The following TBC1D1 variants were observed in gnomAD, a reference collection of about 807,000 sequenced individuals.
The protein encoded by TBC1D1 is TBC1 domain family member 1.
Under a neutral mutation model 125.6 loss-of-function variants are expected in TBC1D1, and 89 were observed. The observed-to-expected ratio is 0.71, with a 90% CI of 0.60 to 0.85. The LOEUF (loss-of-function observed/expected upper bound fraction) is 0.85, where lower values mean the gene tolerates loss of function less well. TBC1D1 is among the 40% of genes least tolerant of loss of function. The probability of loss-of-function intolerance (pLI) is 0.00; values close to 1 mark genes in which losing one functional copy is unlikely to be tolerated. For missense variants in TBC1D1, 1,377 were observed against 1,469.2 expected, an observed-to-expected ratio of 0.94 and a Z score of 1.03; for synonymous variants, 565 against 564.1, an observed-to-expected ratio of 1.00 and a Z score of -0.02.
At chr4:37,957,735 C>T (rs1729206435) in intron 2 of TBC1D1, among the ~76,000 whole-genome samples, 1 of 152,176 alleles carries the variant, frequency 6.6e-6, no homozygotes, top group African/African-American at 2.4e-5. Context: ...AAGTTCAGAA[C>T]AGATTGTTTG....
At position 38,061,864 on chromosome 4, in the gene TBC1D1, T is replaced by A. The variant is rs74705835; in HGVS notation, c.2050+7526T>A. 8.9e-3 allele frequency among the ~76,000 whole-genome samples: 1,353 copies of A among 152,330 alleles called. 19 individuals are homozygous for A. Among genetic ancestry groups the A allele is most frequent in the African/African-American group, 0.031 (1,287 of 41,558 alleles). On this transcript the variant is annotated intron_variant, in intron 12 of 19. Transcript: ENST00000261439. ...TGATTTGAAACATGATTTACATGTT[T>A]TACATGAAACATGATTTACATGTGT...
chr4:38,106,181 A>G (rs1761266342), intron 15 of TBC1D1, among the ~76,000 whole-genome samples: 2 of 152,174 alleles, frequency 1.3e-5, no homozygotes, highest in Non-Finnish European at 2.9e-5. Context: ...TATCTTTAAG[A>G]TTCAGAGTGT....
intron 18 of TBC1D1, chr4:38,132,567 G>A (rs1765761307): frequency 6.1e-6 from 1 of 163,330 alleles, no homozygotes; most frequent in Non-Finnish European, 1.5e-5. Context: ...GCATATTTGT[G>A]TGCAAAGGAG....
At chr4:37,896,332 A>C (rs1466959973) in intron 1 of TBC1D1, among the ~76,000 whole-genome samples, 1 of 152,118 alleles carries the variant, frequency 6.6e-6, no homozygotes, top group South Asian at 2.1e-4. Context: ...GAAGGAGTGG[A>C]GGGGGCTGGG....
intron 6 of TBC1D1, among the ~76,000 whole-genome samples, chr4:38,023,417 A>T (rs1029375332): frequency 6.6e-6 from 1 of 152,212 alleles, no homozygotes; most frequent in Non-Finnish European, 1.5e-5. Flanking sequence ...GTCCATTCAC[A>T]TTGTTGTACA....
intron 2 of TBC1D1, among the ~76,000 whole-genome samples, chr4:37,915,951 T>C (rs564205877): frequency 6.6e-6 from 1 of 152,222 alleles, no homozygotes; most frequent in South Asian, 2.1e-4. Context: ...CATTTATTGG[T>C]GACAGTTGTG....
At chr4:38,079,936 C>A (rs1756263606) in intron 12 of TBC1D1, among the ~76,000 whole-genome samples, 1 of 152,200 alleles carries the variant, frequency 6.6e-6, no homozygotes, top group African/African-American at 2.4e-5. Flanking sequence ...ACGCCAAAGG[C>A]CAGAGATTCA....
intron 2 of TBC1D1, among the ~76,000 whole-genome samples, chr4:37,920,686 G>T (rs2925957): frequency 6.6e-6 from 1 of 151,812 alleles, no homozygotes; most frequent in African/African-American, 2.4e-5. Flanking sequence ...TTAATATCCC[G>T]GGAGCAAGGA....
At chr4:38,084,685 TCAAA>T (rs1757170843) in intron 12 of TBC1D1, among the ~76,000 whole-genome samples, 1 of 152,312 alleles carries the variant, frequency 6.6e-6, no homozygotes, top group African/African-American at 2.4e-5. Context: ...TTTATGTTGT[TCAAA>T]CAGAGGTTTG....
chr4:37,922,515 T>C (rs1325434940), intron 2 of TBC1D1, among the ~76,000 whole-genome samples: 1 of 152,202 alleles, frequency 6.6e-6, no homozygotes, highest in Admixed American at 6.5e-5. Flanking sequence ...TCCTGAATCA[T>C]GTGCTAGTTA....
intron 11 of TBC1D1, 109 bp downstream of exon 11, chr4:38,050,007 A>G (rs2152479176): frequency 7.8e-7 from 1 of 1,286,466 alleles, no homozygotes; most frequent in East Asian, 2.4e-5. Flanking sequence ...GTCAGGCTTT[A>G]CTCTTGGTTT....
chr4:38,109,100 G>A (rs188473982), intron 15 of TBC1D1, among the ~76,000 whole-genome samples: 4 of 152,302 alleles, frequency 2.6e-5, no homozygotes, highest in African/African-American at 9.6e-5. Context: ...TGAGAAATGA[G>A]AAACCTTCAT....
intron 2 of TBC1D1, among the ~76,000 whole-genome samples, chr4:37,911,992 T>C (rs867693099): frequency 6.6e-6 from 1 of 152,216 alleles, no homozygotes; most frequent in Admixed American, 6.5e-5. Flanking sequence ...TGGCTCTTCC[T>C]GAGTATAATA....
intron 4 of TBC1D1, among the ~76,000 whole-genome samples, chr4:38,019,080 G>C (rs1335991035): frequency 6.6e-6 from 1 of 151,954 alleles, no homozygotes; most frequent in East Asian, 1.9e-4. Context: ...TTCATAGAGG[G>C]ATTTTGGAAG....
At chr4:38,004,235 G>A (rs998372960) in intron 2 of TBC1D1, among the ~76,000 whole-genome samples, 8 of 152,182 alleles carry the variant, frequency 5.3e-5, no homozygotes, top group African/African-American at 1.4e-4. Flanking sequence ...TCTTTTAAAG[G>A]TTATTCTGTT....
intron 2 of TBC1D1, among the ~76,000 whole-genome samples, chr4:37,925,498 A>G (rs989756726): frequency 2.1e-4 from 32 of 152,202 alleles, no homozygotes; most frequent in African/African-American, 7.7e-4. Context: ...TGGGGGGATC[A>G]TGAGGTCAAG....
chr4:38,087,283 T>C (rs1757647255), intron 12 of TBC1D1, among the ~76,000 whole-genome samples: 2 of 152,238 alleles, frequency 1.3e-5, no homozygotes, highest in South Asian at 4.1e-4. Flanking sequence ...AACCGGAGTT[T>C]CATAAACTTC....
intron 2 of TBC1D1, among the ~76,000 whole-genome samples, chr4:37,959,255 A>T (rs11096917): frequency 0.63 from 95,147 of 151,644 alleles, 30,670 homozygotes; most frequent in East Asian, 0.96. Context: ...CGTTGACCTC[A>T]CCAATAACAC....
chr4:38,013,706 G>C (rs988365440), intron 2 of TBC1D1, among the ~76,000 whole-genome samples: 1 of 152,222 alleles, frequency 6.6e-6, no homozygotes, highest in Non-Finnish European at 1.5e-5. Context: ...ATGAGAGGAT[G>C]TAGCAGTAGG....
Sources: gnomAD v4.1 joint callset for allele counts (sites outside exome capture counted in the v4.1 genomes callset) on GRCh38, gnomAD v4.1.1 for gene constraint, MANE v1.5 for transcripts, NCBI Gene and HGNC (gene_info 2026-07-23, HGNC 2026-07-21) for gene names.